The following THNSL1 variants were observed in gnomAD, a reference collection of about 807,000 sequenced individuals.
The protein encoded by THNSL1 is threonine synthase like 1, also known as threonine synthase-like 1.
Under a neutral mutation model 50.4 loss-of-function variants are expected in THNSL1, and 48 were observed. The ratio of observed to expected loss-of-function variants is 0.95; its 90% CI spans 0.76 to 1.21. The LOEUF (loss-of-function observed/expected upper bound fraction) is 1.21, where lower values mean the gene tolerates loss of function less well. THNSL1 is among the 50% of genes most tolerant of loss of function. The pLI, the probability that THNSL1 is intolerant of heterozygous loss-of-function variation, is 0.00. For synonymous variants in THNSL1, 309 were observed against 306.1 expected, an observed-to-expected ratio of 1.01 and a Z score of -0.10; for missense variants, 896 against 871.7, an observed-to-expected ratio of 1.03 and a Z score of -0.35.
At chr10:24,971,773 A>G in the THNSL1 span, among the ~76,000 whole-genome samples, 2 of 152,232 alleles carry the variant, frequency 1.3e-5, no homozygotes, top group African/African-American at 4.8e-5. Context: ...TTTCACAGTC[A>G]CTATCAACCA....
upstream of THNSL1, chr10:25,015,760 CATTTT>C (rs1850554484): frequency 7.1e-6 from 8 of 1,121,626 alleles, no homozygotes; most frequent in African/African-American, 1.6e-5. Context: ...GGCAAAAATA[CATTTT>C]ATTTATTATT....
chr10:24,976,354 C>G, the THNSL1 span, among the ~76,000 whole-genome samples: 1 of 152,140 alleles, frequency 6.6e-6, no homozygotes, highest in African/African-American at 2.4e-5. Context: ...ACATAGGAAG[C>G]AGCAAACCCA....
At chr10:25,021,218 G>T (rs1257678445) in intron 1 of THNSL1, among the ~76,000 whole-genome samples, 2 of 152,138 alleles carry the variant, frequency 1.3e-5, no homozygotes, top group Admixed American at 1.3e-4. Flanking sequence ...AATATTTTGT[G>T]CTAACCACTA....
the THNSL1 span, among the ~76,000 whole-genome samples, chr10:24,964,979 C>G: frequency 6.6e-6 from 1 of 151,666 alleles, no homozygotes; most frequent in Non-Finnish European, 1.5e-5. Context: ...GGGAGGATCA[C>G]TTGACTAGGA....
chr10:24,961,531 G>A, the THNSL1 span, among the ~76,000 whole-genome samples: 1 of 151,946 alleles, frequency 6.6e-6, no homozygotes, highest in South Asian at 2.1e-4. Flanking sequence ...TACAATATTA[G>A]TGTCTTTTTT....
the THNSL1 span, among the ~76,000 whole-genome samples, chr10:24,981,607 C>G: frequency 6.6e-6 from 1 of 152,158 alleles, no homozygotes; most frequent in African/African-American, 2.4e-5. Flanking sequence ...GAATTGAGAG[C>G]TCTTAATAAT....
the THNSL1 span, among the ~76,000 whole-genome samples, chr10:24,996,886 T>C: frequency 6.6e-6 from 1 of 152,084 alleles, no homozygotes; most frequent in African/African-American, 2.4e-5. Context: ...TGTAGAAAGG[T>C]CTTTAAAGAG....
chr10:24,962,593 A>G, the THNSL1 span, among the ~76,000 whole-genome samples: 5 of 152,212 alleles, frequency 3.3e-5, no homozygotes, highest in African/African-American at 1.2e-4. Flanking sequence ...GATTAGAAGA[A>G]GTGTAACATA....
the THNSL1 span, among the ~76,000 whole-genome samples, chr10:24,988,543 TA>T: frequency 6.8e-6 from 1 of 147,254 alleles, no homozygotes. Flanking sequence ...TATGTACATG[TA>T]GAGATATGAA....
At chr10:24,956,463 T>A in the THNSL1 span, among the ~76,000 whole-genome samples, 1 of 143,604 alleles carries the variant, frequency 7.0e-6, no homozygotes, top group Non-Finnish European at 1.5e-5. Context: ...TGCATTTTAT[T>A]TATTTTTTTT....
chr10:25,009,885 A>T, the THNSL1 span, among the ~76,000 whole-genome samples: 1 of 152,154 alleles, frequency 6.6e-6, no homozygotes, highest in African/African-American at 2.4e-5. Context: ...CTCCCCAGCC[A>T]TGTGGAACTG....
chr10:24,955,134 C>T, the THNSL1 span, among the ~76,000 whole-genome samples: 2 of 152,138 alleles, frequency 1.3e-5, no homozygotes, highest in African/African-American at 4.8e-5. Context: ...GCACGTCTTA[C>T]CATGGCAGAG....
At chr10:24,995,733 C>G in the THNSL1 span, 3 of 1,613,976 alleles carry the variant, frequency 1.9e-6, no homozygotes, top group Non-Finnish European at 2.5e-6. Context: ...TTGGTTTAGG[C>G]TTTTTAGCCA....
At chr10:25,015,932 T>C (rs976471382), upstream of THNSL1, 3 of 1,606,454 alleles carry the variant, frequency 1.9e-6, no homozygotes, top group Non-Finnish European at 2.6e-6. Context: ...GCACGTTGGA[T>C]CCATGGCCAC....
the THNSL1 span, among the ~76,000 whole-genome samples, chr10:25,000,337 A>G: frequency 1.3e-5 from 2 of 152,182 alleles, no homozygotes; most frequent in Admixed American, 6.5e-5. Context: ...CAACTAGGTC[A>G]AACTGAAAGT....
the THNSL1 span, among the ~76,000 whole-genome samples, chr10:24,978,575 A>G: frequency 5.1e-3 from 782 of 152,160 alleles, 7 homozygotes; most frequent in African/African-American, 0.018. Flanking sequence ...TAGAAGACGA[A>G]CACTCTGTGG....
At chr10:24,984,902 G>A in the THNSL1 span, 1 of 1,610,714 alleles carries the variant, frequency 6.2e-7, no homozygotes, top group African/African-American at 1.3e-5. Context: ...TTCTTTTTCA[G>A]CCCCTGCAAA....
At chr10:24,982,911 A>G in the THNSL1 span, 3 of 152,394 alleles carry the variant, frequency 2.0e-5, no homozygotes, top group Admixed American at 2.0e-4. Context: ...CATTTAAGGC[A>G]ACTCCCACTC....
the THNSL1 span, chr10:24,952,627 G>C: frequency 6.6e-7 from 1 of 1,505,896 alleles, no homozygotes; most frequent in East Asian, 2.5e-5. The surrounding 1 kb of genome is among the most constrained non-coding windows in gnomAD (Gnocchi z 5.1). Context: ...GGAGCAGGGA[G>C]GGCGAAGGCT....
Sources: gnomAD v4.1 joint callset for allele counts (sites outside exome capture counted in the v4.1 genomes callset) on GRCh38, gnomAD v4.1.1 for gene constraint, Gnocchi (gnomAD v3.1) non-coding constraint, MANE v1.5 for transcripts, NCBI Gene and HGNC (gene_info 2026-07-23, HGNC 2026-07-21) for gene names.